Variants in FBXO16 observed in about 807,000 individuals in gnomAD.
FBXO16 encodes the protein F-box protein 16.
A neutral mutation model predicts 41.0 loss-of-function variants in FBXO16; 31 were observed. The ratio of observed to expected loss-of-function variants is 0.76; its 90% CI spans 0.57 to 1.02. The LOEUF is 1.02. FBXO16 is among the 50% of genes least tolerant of loss of function. FBXO16 has a pLI of 0.00. For synonymous variants in FBXO16, 133 were observed against 117.8 expected (o/e 1.13, Z -0.84); for missense variants, 361 against 346.2 (o/e 1.04, Z -0.34).
At chr8:28,444,384 C>G (rs186460477) in intron 7 of FBXO16, among the ~76,000 whole-genome samples, 234 of 150,906 alleles carry the variant, frequency 1.6e-3, no homozygotes, top group Non-Finnish European at 2.7e-3. Context: ...CTCACTGCAA[C>G]CTCCGCCTCC....
At chr8:28,456,604 A>T in intron 5 of FBXO16, 162 bp downstream of exon 5, 1 of 839,764 alleles carries the variant, frequency 1.2e-6, no homozygotes, top group East Asian at 2.5e-5. Flanking sequence ...GAATGTCTTG[A>T]AAACAACTAT....
chr8:28,476,967 T>C (rs1359751300), intron 2 of FBXO16, among the ~76,000 whole-genome samples: 1 of 152,230 alleles, frequency 6.6e-6, no homozygotes, highest in African/African-American at 2.4e-5. Context: ...TACCTTTCTA[T>C]GTATGTGTGA....
intron 3 of FBXO16, 137 bp downstream of exon 3, chr8:28,473,635 G>T: frequency 3.9e-6 from 3 of 762,044 alleles, no homozygotes; most frequent in South Asian, 1.6e-5. Context: ...AAATGTCTGG[G>T]TTTTTTTCTT....
chr8:28,488,479 T>C lies in FBXO16; in HGVS notation c.-17+1707A>G, dbSNP rs377528659. Among the ~76,000 whole-genome samples the C allele has an allele frequency of 6.6e-5, 10 of 151,430 alleles. 1 individual carries two copies. Among genetic ancestry groups the C allele is most frequent in the African/African-American group, 2.2e-4 (9 of 41,262 alleles). ...CCTGGCTAATTTTTTTTTTTTTGTA[T>C]TTTTTGTAGAGATAAGGTCTTGCTT... On this transcript the variant is annotated intron_variant, in intron 1 of 8. Coordinates refer to ENST00000380254, the MANE Select transcript of FBXO16 (RefSeq NM_172366.4).
intron 2 of FBXO16, among the ~76,000 whole-genome samples, chr8:28,481,773 G>A (rs1440174153): frequency 7.0e-6 from 1 of 143,394 alleles, no homozygotes; most frequent in Non-Finnish European, 1.5e-5. Flanking sequence ...TCGCACCACT[G>A]CACTCCAGTC....
chr8:28,447,830 T>C (rs753657274), intron 6 of FBXO16, among the ~76,000 whole-genome samples: 4 of 152,154 alleles, frequency 2.6e-5, no homozygotes, highest in South Asian at 2.1e-4. Context: ...GGCACACACC[T>C]GTAGTCCCAG....
At chr8:28,430,783 C>T (rs1802594052) in intron 7 of FBXO16, among the ~76,000 whole-genome samples, 1 of 152,016 alleles carries the variant, frequency 6.6e-6, no homozygotes, top group African/African-American at 2.4e-5. Flanking sequence ...CCAGCCTGGC[C>T]AACATGGTGA....
intron 5 of FBXO16, among the ~76,000 whole-genome samples, chr8:28,455,384 G>A (rs193158375): frequency 1.3e-5 from 2 of 152,190 alleles, no homozygotes; most frequent in Non-Finnish European, 2.9e-5. Context: ...CTGCAAGAGT[G>A]TGCTACTGCA....
chr8:28,483,088 T>TG (rs1002621404), intron 2 of FBXO16, among the ~76,000 whole-genome samples: 1 of 151,536 alleles, frequency 6.6e-6, no homozygotes, highest in Non-Finnish European at 1.5e-5. Context: ...AAATGGCGAG[T>TG]GGGGTGGGAG....
chr8:28,444,984 A>T (rs1002994030), intron 7 of FBXO16, among the ~76,000 whole-genome samples: 1 of 151,720 alleles, frequency 6.6e-6, no homozygotes, highest in Non-Finnish European at 1.5e-5. Context: ...GATGAGGGCA[A>T]ACTACCATCC....
chr8:28,474,358 G>GAA (rs1803389192), intron 2 of FBXO16, among the ~76,000 whole-genome samples: 1 of 100,364 alleles, frequency 1.0e-5, no homozygotes, highest in Admixed American at 1.0e-4. Flanking sequence ...AAAAAAGAGA[G>GAA]AGAAAGAAGA....
At chr8:28,460,225 G>GTA (rs771679568) in intron 4 of FBXO16, among the ~76,000 whole-genome samples, 1,021 of 75,122 alleles carry the variant, frequency 0.014, 15 homozygotes, top group East Asian at 0.03. Context: ...ATATGTGTGT[G>GTA]TATATATATA....
At chr8:28,474,428 A>G (rs1168093750) in intron 2 of FBXO16, among the ~76,000 whole-genome samples, 1 of 151,670 alleles carries the variant, frequency 6.6e-6, no homozygotes, top group Non-Finnish European at 1.5e-5. Flanking sequence ...AAGAAATTTT[A>G]AAAATGGAAT....
intron 4 of FBXO16, among the ~76,000 whole-genome samples, chr8:28,461,664 A>G (rs1432209546): frequency 6.6e-6 from 1 of 151,476 alleles, no homozygotes; most frequent in African/African-American, 2.4e-5. Flanking sequence ...GGATTTATTT[A>G]TGGCGTTCTG....
chr8:28,447,209 A>C lies in FBXO16; in HGVS notation c.805T>G (p.Leu269Val), dbSNP rs1481336910. Residue 269 changes from leucine (L) to valine (V), a missense_variant, in exon 7 of 9, where the codon TTG becomes GTG. Transcript: ENST00000380254. ...TTTCTTAGCCTAGTTCTGTCCTGCAATTTATTTTTCTTATCATGTGACTGT... is the reference window on the plus strand; with the variant it reads ...TTTCTTAGCCTAGTTCTGTCCTGCACTTTATTTTTCTTATCATGTGACTGT... ...SRQSHDKKNK[L>V]QDRTRLRKAQ... The C allele has an allele frequency of 1.2e-6, 2 of 1,613,762 alleles. No individual in the cohort carries two copies. The highest frequency in any genetic ancestry group is 1.7e-6 in the Non-Finnish European group (2 of 1,179,976).
intron 7 of FBXO16, among the ~76,000 whole-genome samples, chr8:28,438,287 G>T (rs1802714685): frequency 6.6e-6 from 1 of 152,156 alleles, no homozygotes; most frequent in South Asian, 2.1e-4. Flanking sequence ...CTGCATTCCG[G>T]CCTGGGCAAC....
intron 6 of FBXO16, chr8:28,449,206 TAACA>T (rs1285092918): frequency 1.4e-5 from 2 of 147,774 alleles, no homozygotes; most frequent in African/African-American, 5.0e-5. Context: ...CTGATAGTTA[TAACA>T]AACAAATTGC....
intron 2 of FBXO16, among the ~76,000 whole-genome samples, chr8:28,478,780 C>T (rs2130192818): frequency 6.6e-6 from 1 of 150,420 alleles, no homozygotes; most frequent in Non-Finnish European, 1.5e-5. Flanking sequence ...CGAGATCACG[C>T]CATTGCACTC....
intron 2 of FBXO16, 73 bp downstream of exon 2, chr8:28,483,275 G>T: frequency 7.7e-7 from 1 of 1,299,436 alleles, no homozygotes; most frequent in Non-Finnish European, 1.1e-6. Flanking sequence ...TTCATATTTT[G>T]GTAAGTAAAA....
Sources: allele counts gnomAD v4.1 joint callset (sites outside exome capture counted in the v4.1 genomes callset), GRCh38; gene constraint gnomAD v4.1.1; transcripts MANE v1.5; gene names NCBI Gene and HGNC (gene_info 2026-07-23, HGNC 2026-07-21).